Variants in TP53BP1 observed in about 807,000 individuals in gnomAD.
TP53BP1 encodes tumor protein p53 binding protein 1.
A neutral mutation model predicts 200.8 loss-of-function variants in TP53BP1; 61 were observed. That is an observed-to-expected ratio of 0.30 (90% CI 0.25 to 0.38). TP53BP1 has a LOEUF of 0.38. Among genes scored for constraint, TP53BP1 ranks in the 10% least tolerant of loss-of-function variants. The pLI, the probability that TP53BP1 is intolerant of heterozygous loss-of-function variation, is 1.00. For missense variants in TP53BP1, 2,144 were observed against 2,371.9 expected (o/e 0.90, Z 2.00); for synonymous variants, 822 against 844.3 (o/e 0.97, Z 0.46).
intron 24 of TP53BP1, among the ~76,000 whole-genome samples, chr15:43,411,711 G>T (rs998690128): frequency 2.0e-5 from 3 of 152,320 alleles, no homozygotes; most frequent in Middle Eastern, 3.4e-3. Context: ...GAAACCTGAA[G>T]ATCCCTTCAA....
Position 43,438,252 on chromosome 15 carries a change from A to G in TP53BP1, c.3191+72T>C, listed in dbSNP as rs1045104557. 4.5e-6 allele frequency: 6 copies of G among 1,327,262 alleles called. No homozygotes were observed. The Admixed American group carries it at 5.3e-5, about 12-fold the overall frequency. The allele number at this position is 1,327,262 out of a possible 1,614,324, so 82.2% of individuals were successfully genotyped here. A position where few individuals can be genotyped will look rare whatever the true frequency, so the allele number is the denominator to read the frequency against. ...CCACATTCAAACCACAGCACAGTAC[A>G]TATTAGGATTTGGGCACTAACCATT... On this transcript the variant is annotated intron_variant, in intron 16 of 27. Transcript: ENST00000382044.
intron 4 of TP53BP1, among the ~76,000 whole-genome samples, chr15:43,482,546 A>C (rs1322833585): frequency 6.6e-6 from 1 of 152,164 alleles, no homozygotes; most frequent in Non-Finnish European, 1.5e-5. Context: ...AAACAGGCGG[A>C]TCACAAGGTC....
intron 1 of TP53BP1, among the ~76,000 whole-genome samples, chr15:43,509,927 A>T (rs976301432): frequency 6.6e-6 from 1 of 152,168 alleles, no homozygotes; most frequent in African/African-American, 2.4e-5. Flanking sequence ...GCGCTCCCAT[A>T]CATACATGTA....
chr15:43,408,643 C>G (rs1395853036), intron 26 of TP53BP1: 1 of 473,412 alleles, frequency 2.1e-6, no homozygotes, highest in Non-Finnish European at 3.8e-6. Context: ...TTGCTTAAAA[C>G]TTAGTTCTCT....
upstream of TP53BP1, among the ~76,000 whole-genome samples, chr15:43,493,334 A>G (rs1292671764): frequency 6.6e-6 from 1 of 152,162 alleles, no homozygotes; most frequent in Non-Finnish European, 1.5e-5. Context: ...CCCCTTTAGT[A>G]GAGCCGGAGA....
Position 43,406,590 on chromosome 15 carries a change from A to G in TP53BP1, c.*793T>C, listed in dbSNP as rs1452972134. On this transcript the variant is annotated 3_prime_UTR_variant, in exon 28 of 28. Coordinates refer to ENST00000382044, the MANE Select transcript of TP53BP1 (RefSeq NM_001141980.3). ...CAAAGCCTGAAATATTTACTCTTTG[A>G]CCCTTTACAGAAAAAAACCTTGTTG... is the stretch of plus-strand genomic sequence containing the variant. The G allele has an allele frequency of 4.4e-6, 2 of 456,006 alleles. No individual in the cohort carries two copies. The highest frequency in any genetic ancestry group is 8.8e-6 in the Non-Finnish European group (2 of 226,784). 28.2% of individuals were successfully genotyped at this position (456,006 alleles called of 1,614,324 possible).
Position 43,479,768 on chromosome 15 carries a change from G to C in TP53BP1, c.658+91C>G, listed in dbSNP as rs908599107. 92 of 1,462,868 alleles carry C rather than the reference G, an allele frequency of 6.3e-5. No homozygotes were observed. In the Middle Eastern group the frequency reaches 7.5e-4, roughly 12 times the overall value. 90.6% of individuals were successfully genotyped at this position (1,462,868 alleles called of 1,614,324 possible). On this transcript the variant is annotated intron_variant, in intron 6 of 27. Transcript: ENST00000382044. ...AAATTACTTAGATTATATTAATTTG[G>C]ATAGCTGCAAAACTTATCAAAGAAA...
intron 15 of TP53BP1, among the ~76,000 whole-genome samples, chr15:43,439,169 T>A (rs1224820181): frequency 6.6e-6 from 1 of 152,174 alleles, no homozygotes; most frequent in African/African-American, 2.4e-5. Context: ...GCTTGAAACC[T>A]TCTGTAGTAA....
intron 26 of TP53BP1, 57 bp downstream of exon 26, chr15:43,408,840 C>T (rs2045016547): frequency 2.6e-6 from 4 of 1,555,420 alleles, no homozygotes; most frequent in East Asian, 2.3e-5. Context: ...ATTCTCTTCC[C>T]TCCAAAGCTT....
intron 23 of TP53BP1, chr15:43,415,316 C>A (rs1182266703): frequency 6.7e-6 from 3 of 449,538 alleles, no homozygotes; most frequent in African/African-American, 2.0e-5. Flanking sequence ...TCAAGCGATT[C>A]TCCCACCTCA....
intron 1 of TP53BP1, among the ~76,000 whole-genome samples, chr15:43,503,000 G>A (rs1429656962): frequency 6.6e-6 from 1 of 151,404 alleles, no homozygotes; most frequent in Non-Finnish European, 1.5e-5. Flanking sequence ...CGATCAACCC[G>A]CCTTGGCCTC....
At chr15:43,408,801 T>C (rs934206055) in intron 26 of TP53BP1, 96 bp downstream of exon 26, 4 of 1,262,870 alleles carry the variant, frequency 3.2e-6, no homozygotes, top group East Asian at 4.8e-5. Flanking sequence ...GACATTCCAA[T>C]TTCTAGAAAG....
intron 27 of TP53BP1, 86 bp from the exon 28 acceptor site, chr15:43,407,656 A>C (rs189255143): frequency 2.5e-5 from 33 of 1,304,972 alleles, no homozygotes; most frequent in Admixed American, 1.4e-4. Context: ...TAACCAATAC[A>C]TCCCACTCTG....
chr15:43,444,971 C>T (rs1345892311), intron 14 of TP53BP1, among the ~76,000 whole-genome samples: 1 of 152,050 alleles, frequency 6.6e-6, no homozygotes, highest in African/African-American at 2.4e-5. Flanking sequence ...CCTTGAGCAG[C>T]AGGATATAAA....
At chr15:43,442,176 C>G (rs1314285653) in intron 14 of TP53BP1, among the ~76,000 whole-genome samples, 2 of 150,096 alleles carry the variant, frequency 1.3e-5, no homozygotes, top group African/African-American at 4.9e-5. Flanking sequence ...AGCTCTGCCT[C>G]CCGGGTTCAC....
At chr15:43,460,540 T>C (rs577630756) in intron 11 of TP53BP1, among the ~76,000 whole-genome samples, 2 of 152,296 alleles carry the variant, frequency 1.3e-5, no homozygotes, top group African/African-American at 4.8e-5. Context: ...ATTACAGGCA[T>C]GAGCCACCAC....
In TP53BP1 at chr15:43,482,185, C is replaced by T. The variant is rs551154145; in HGVS notation, c.372-1163G>A. Among the ~76,000 whole-genome samples, 10 of 151,982 alleles carry T rather than the reference C, an allele frequency of 6.6e-5. 1 individual carries two copies. The highest frequency in any genetic ancestry group is 1.7e-4 in the African/African-American group (7 of 41,452). ...CAGAGCTTGCAGTGAGCCGAGATCG[C>T]GCCACTGCACTCCAGCCTGGGCGAC... On this transcript the variant is annotated intron_variant, in intron 4 of 27. Transcript: ENST00000382044.
chr15:43,487,346 A>G (rs2079060174), intron 4 of TP53BP1, among the ~76,000 whole-genome samples: 1 of 152,004 alleles, frequency 6.6e-6, no homozygotes, highest in Non-Finnish European at 1.5e-5. Context: ...AAATTAGATC[A>G]CTCATACATT....
intron 4 of TP53BP1, among the ~76,000 whole-genome samples, chr15:43,482,707 G>A (rs568535112): frequency 2.0e-5 from 3 of 152,246 alleles, no homozygotes; most frequent in Admixed American, 6.5e-5. Flanking sequence ...ATCGGAGGTT[G>A]CAGTGAGCCA....
Sources: allele counts gnomAD v4.1 joint callset (sites outside exome capture counted in the v4.1 genomes callset), GRCh38; gene constraint gnomAD v4.1.1; transcripts MANE v1.5; gene names NCBI Gene and HGNC (gene_info 2026-07-23, HGNC 2026-07-21).